SMARCC1: variants seen among roughly 807,000 people sequenced by gnomAD.
SMARCC1 encodes the protein SWI/SNF related BAF chromatin remodeling complex subunit C1, also known as SWI/SNF complex subunit SMARCC1.
Under a neutral mutation model 147.4 loss-of-function variants are expected in SMARCC1, and 43 were observed. The observed-to-expected ratio is 0.29, with a 90% CI of 0.23 to 0.38. The LOEUF (loss-of-function observed/expected upper bound fraction) is 0.38. Among genes scored for constraint, SMARCC1 ranks in the 10% least tolerant of loss-of-function variants. The pLI is 1.00. For synonymous variants in SMARCC1, 495 were observed against 484.4 expected (o/e 1.02, Z -0.29); for missense variants, 1,119 against 1,381.1 (o/e 0.81, Z 3.01).
At chr3:47,673,385 CA>C (rs1214947952) in intron 18 of SMARCC1, among the ~76,000 whole-genome samples, 8 of 37,362 alleles carry the variant, frequency 2.1e-4, no homozygotes, top group East Asian at 7.6e-4. Context: ...GACTCTGTCT[CA>C]AAAAAAAAAG....
At chr3:47,604,358 G>A (rs1559623646) in intron 26 of SMARCC1, 1 of 451,588 alleles carries the variant, frequency 2.2e-6, no homozygotes, top group Non-Finnish European at 4.4e-6. Flanking sequence ...GCATTCAGAA[G>A]CTGATTATTC....
At chr3:47,731,029 T>C (rs772264288) in intron 5 of SMARCC1, among the ~76,000 whole-genome samples, 7 of 152,192 alleles carry the variant, frequency 4.6e-5, no homozygotes, top group Non-Finnish European at 8.8e-5. Context: ...CAGTAAAAGT[T>C]TGTCACATTG....
intron 24 of SMARCC1, among the ~76,000 whole-genome samples, chr3:47,627,583 A>G (rs2032828330): frequency 6.6e-6 from 1 of 152,200 alleles, no homozygotes; most frequent in Non-Finnish European, 1.5e-5. Context: ...AATCCAGAGC[A>G]CTACCAGCAA....
At chr3:47,616,735 C>T (rs2032651271) in intron 25 of SMARCC1, among the ~76,000 whole-genome samples, 1 of 152,094 alleles carries the variant, frequency 6.6e-6, no homozygotes, top group Non-Finnish European at 1.5e-5. Flanking sequence ...TATGAGCCAC[C>T]ATGCCTGGCC....
At chr3:47,605,535 G>A (rs2032457899) in intron 26 of SMARCC1, among the ~76,000 whole-genome samples, 1 of 152,174 alleles carries the variant, frequency 6.6e-6, no homozygotes, top group South Asian at 2.1e-4. Context: ...ACTTTGGGAG[G>A]CGGAGGCGGG....
At chr3:47,769,517 G>A (rs1373104771) in intron 2 of SMARCC1, among the ~76,000 whole-genome samples, 6 of 151,822 alleles carry the variant, frequency 4.0e-5, no homozygotes, top group Admixed American at 2.6e-4. Context: ...ATGAGCCACC[G>A]CACTCCGCCA....
chr3:47,686,383 T>C (rs766633914), intron 13 of SMARCC1, among the ~76,000 whole-genome samples: 1 of 152,162 alleles, frequency 6.6e-6, no homozygotes, highest in African/African-American at 2.4e-5. Context: ...TTTATGATGA[T>C]GAGGGAATCA....
Position 47,759,618 on chromosome 3 carries a change from C to CAAAAAA in SMARCC1, c.315+13193_315+13198dup, listed in dbSNP as rs796811233. Among the ~76,000 whole-genome samples the CAAAAAA allele has an allele frequency of 3.0e-4, 19 of 63,602 alleles. 2 individuals are homozygous for CAAAAAA. Among genetic ancestry groups the CAAAAAA allele is most frequent in the East Asian group, 4.5e-4 (1 of 2,222 alleles). 41.7% of individuals were successfully genotyped at this position (63,602 alleles called of 152,430 possible). A position where few individuals can be genotyped will look rare whatever the true frequency, so the allele number is the denominator to read the frequency against. ...TCTGGGACAGAGCTAGACTCCGTCT[C>CAAAAAA]AAAAAAAAAAAAAAAAAAGAAAAAG... On this transcript the variant is annotated intron_variant, in intron 2 of 27. Transcript: ENST00000254480.
In SMARCC1 at chr3:47,735,769, A is replaced by T. The variant is rs1332053910; in HGVS notation, c.576+265T>A. Among the ~76,000 whole-genome samples the T allele has an allele frequency of 6.6e-5, 10 of 152,142 alleles. No homozygotes were observed. The South Asian group carries it at 1.9e-3, about 28-fold the overall frequency. On this transcript the variant is annotated intron_variant, in intron 5 of 27. Transcript: ENST00000254480. ...ACTCTCTCAACCACAACAACAAAAA[A>T]ACTGGAAGATCTCTTGAGCCCAGAA...
chr3:47,750,763 A>G (rs866380528), intron 2 of SMARCC1, among the ~76,000 whole-genome samples: 1 of 152,200 alleles, frequency 6.6e-6, no homozygotes, highest in Admixed American at 6.6e-5. Flanking sequence ...ACTTAAAATT[A>G]GAGATCCACG....
intron 6 of SMARCC1, among the ~76,000 whole-genome samples, chr3:47,726,924 G>A (rs1238318946): frequency 6.6e-6 from 1 of 151,792 alleles, no homozygotes; most frequent in Non-Finnish European, 1.5e-5. Context: ...ATTCCACTGT[G>A]TGGGACCAGG....
intron 2 of SMARCC1, among the ~76,000 whole-genome samples, chr3:47,755,230 C>T (rs909471131): frequency 8.6e-5 from 13 of 151,616 alleles, no homozygotes; most frequent in South Asian, 4.2e-4. Flanking sequence ...AGGGCGGGCA[C>T]GGTGGCTCAT....
At chr3:47,746,033 T>G (rs750726056) in intron 2 of SMARCC1, 40 bp from the exon 3 acceptor site, 64 of 1,301,736 alleles carry the variant, frequency 4.9e-5, no homozygotes, top group Admixed American at 7.2e-5. Flanking sequence ...AAATAAAGCT[T>G]CTGACAAAAT....
intron 11 of SMARCC1, among the ~76,000 whole-genome samples, chr3:47,698,802 T>TAAA (rs1158115554): frequency 6.9e-6 from 1 of 144,876 alleles, no homozygotes. Flanking sequence ...CAATACTTAC[T>TAAA]AAAAAAAAAA....
intron 5 of SMARCC1, among the ~76,000 whole-genome samples, chr3:47,732,981 G>A (rs1446585493): frequency 6.6e-6 from 1 of 151,894 alleles, no homozygotes; most frequent in Non-Finnish European, 1.5e-5. Flanking sequence ...GGTGGCGGGT[G>A]CCTGTAATCC....
At chr3:47,697,868 C>T (rs1468347223) in intron 11 of SMARCC1, among the ~76,000 whole-genome samples, 2 of 151,236 alleles carry the variant, frequency 1.3e-5, no homozygotes, top group Non-Finnish European at 2.9e-5. Context: ...ATTAGCCAGG[C>T]ATGGTAGTGG....
At chr3:47,609,804 A>C (rs1367616849) in intron 26 of SMARCC1, among the ~76,000 whole-genome samples, 1 of 152,210 alleles carries the variant, frequency 6.6e-6, no homozygotes, top group African/African-American at 2.4e-5. Context: ...ATCCAAGATA[A>C]ATTCTGAATG....
chr3:47,663,781 G>C lies in SMARCC1; in HGVS notation c.1900-1189C>G. The C allele has an allele frequency of 3.2e-6, 5 of 1,576,670 alleles. No individual in the cohort carries two copies. In the South Asian group the frequency reaches 5.5e-5, roughly 17 times the overall value. On this transcript the variant is annotated intron_variant, in intron 19 of 27. Coordinates refer to ENST00000254480, the MANE Select transcript of SMARCC1 (RefSeq NM_003074.4). ...TGGTACCCATAGGTTGCCTGGCCACGGCGGCCGCCCTCACCTACAGCCTCT... is the reference window on the plus strand; with the variant it reads ...TGGTACCCATAGGTTGCCTGGCCACCGCGGCCGCCCTCACCTACAGCCTCT...
intron 6 of SMARCC1, among the ~76,000 whole-genome samples, chr3:47,726,800 T>G (rs553028273): frequency 1.3e-5 from 2 of 152,386 alleles, no homozygotes; most frequent in Admixed American, 1.3e-4. Context: ...CATGTTATAT[T>G]CAGTATCAAT....
Sources: allele counts gnomAD v4.1 joint callset (sites outside exome capture counted in the v4.1 genomes callset), GRCh38; gene constraint gnomAD v4.1.1; transcripts MANE v1.5; gene names NCBI Gene and HGNC (gene_info 2026-07-23, HGNC 2026-07-21).